Variants in ZNHIT6 observed in about 807,000 individuals in gnomAD.
ZNHIT6 encodes zinc finger HIT-type containing 6, also known as box C/D snoRNA protein 1.
ZNHIT6 carries 45 observed loss-of-function variants against 57.2 expected under a neutral mutation model. That is an observed-to-expected ratio of 0.79 (90% confidence interval 0.62 to 1.01). The LOEUF is 1.01. Ranked by LOEUF, ZNHIT6 falls within the 50% of genes least tolerant of loss-of-function variation. The pLI is 0.00. For missense variants in ZNHIT6, 528 were observed against 567.3 expected, an observed-to-expected ratio of 0.93 and a Z score of 0.70; for synonymous variants, 188 against 190.0, an observed-to-expected ratio of 0.99 and a Z score of 0.09.
At chr1:85,661,969 A>G (rs923891567) in intron 8 of ZNHIT6, among the ~76,000 whole-genome samples, 5 of 152,062 alleles carry the variant, frequency 3.3e-5, no homozygotes, top group Non-Finnish European at 5.9e-5. Context: ...GGGCAGCCTC[A>G]TGGGCGCATT....
At chr1:85,696,592 A>T (rs1444642553) in intron 5 of ZNHIT6, among the ~76,000 whole-genome samples, 1 of 152,096 alleles carries the variant, frequency 6.6e-6, no homozygotes. Flanking sequence ...GATCATCTAC[A>T]AATACGTTTG....
At chr1:85,669,737 A>G (rs1661498212) in intron 8 of ZNHIT6, among the ~76,000 whole-genome samples, 1 of 152,158 alleles carries the variant, frequency 6.6e-6, no homozygotes, top group South Asian at 2.1e-4. Flanking sequence ...TTAAGTCTGG[A>G]GTGTCCATGC....
chr1:85,670,363 G>T (rs1012900221), intron 8 of ZNHIT6, among the ~76,000 whole-genome samples: 3 of 152,228 alleles, frequency 2.0e-5, no homozygotes, highest in Non-Finnish European at 4.4e-5. Flanking sequence ...CCATTTAAAG[G>T]AAAAGTTGCC....
intron 7 of ZNHIT6, among the ~76,000 whole-genome samples, chr1:85,678,290 G>A (rs1424541277): frequency 2.0e-5 from 3 of 151,976 alleles, no homozygotes; most frequent in African/African-American, 4.8e-5. Flanking sequence ...AGAGTTTTTC[G>A]TTCAACCTCA....
chr1:85,654,088 T>C lies in ZNHIT6; in HGVS notation c.1383A>G (p.Glu461=). The change falls in exon 10 of 10, where the codon GAA becomes GAG. Residue 461 remains glutamate, a synonymous_variant. Transcript: ENST00000370574. ...DMKVLHQVKS[E]STKNVGNEN ...TTTCATTGCCAACGTTCTTGGTAGA[T>C]TCACTCTTCACTAGAAAAAAATAAG... The C allele has an allele frequency of 6.2e-7, 1 of 1,611,782 alleles. No individual in the cohort carries two copies. Among genetic ancestry groups the C allele is most frequent in the Non-Finnish European group, 8.5e-7 (1 of 1,179,170 alleles).
At chr1:85,707,315 G>A (rs1266366233) in intron 1 of ZNHIT6, among the ~76,000 whole-genome samples, 4 of 152,066 alleles carry the variant, frequency 2.6e-5, no homozygotes, top group South Asian at 2.1e-4. Flanking sequence ...AAGGAATACC[G>A]AGTAAAGAGC....
At chr1:85,685,579 C>CT (rs568843361) in intron 5 of ZNHIT6, among the ~76,000 whole-genome samples, 6 of 151,970 alleles carry the variant, frequency 3.9e-5, no homozygotes, top group South Asian at 2.1e-4. Context: ...GATTTGTGGG[C>CT]TTTTTTTTCC....
rs536617354 is a variant in ZNHIT6 at position 85,662,210 on chromosome 1, G to A, written c.1248-4239C>T. ...ACAAAAGACAAGTTTTTAAAGAAAC[G>A]AAATCACAAACCACTTTATGTCCCA... is the stretch of plus-strand genomic sequence containing the variant. On this transcript the variant is annotated intron_variant, in intron 8 of 9. Transcript: ENST00000370574. 5.5e-5 allele frequency among the ~76,000 whole-genome samples: 8 copies of A among 144,738 alleles called. No individual in the cohort carries two copies. In the East Asian group the frequency reaches 1.2e-3, roughly 22 times the overall value. 95.0% of individuals were successfully genotyped at this position (144,738 alleles called of 152,430 possible).
At chr1:85,667,382 G>A (rs1661397030) in intron 8 of ZNHIT6, among the ~76,000 whole-genome samples, 2 of 152,060 alleles carry the variant, frequency 1.3e-5, no homozygotes, top group African/African-American at 4.8e-5. Context: ...AACAATTCTT[G>A]TGTGTGTTTG....
intron 8 of ZNHIT6, among the ~76,000 whole-genome samples, chr1:85,675,346 TA>T (rs1261860669): frequency 3.3e-5 from 5 of 152,244 alleles, no homozygotes; most frequent in Admixed American, 6.5e-5. Context: ...TCTAATGTTA[TA>T]ACTTTCCTTC....
chr1:85,695,001 C>T (rs773189190), intron 5 of ZNHIT6, among the ~76,000 whole-genome samples: 5 of 152,048 alleles, frequency 3.3e-5, no homozygotes, highest in African/African-American at 4.8e-5. Context: ...CAGTGGCGCA[C>T]ATCTGTAATC....
At chr1:85,698,771 A>T (rs1324413645) in intron 5 of ZNHIT6, among the ~76,000 whole-genome samples, 2 of 152,114 alleles carry the variant, frequency 1.3e-5, no homozygotes, top group Non-Finnish European at 2.9e-5. Context: ...GTCATTATTT[A>T]CCCATTATAA....
chr1:85,699,050 G>T (rs1321135387), intron 5 of ZNHIT6, among the ~76,000 whole-genome samples: 1 of 152,034 alleles, frequency 6.6e-6, no homozygotes, highest in Non-Finnish European at 1.5e-5. Context: ...TCAAATAGTA[G>T]AGACAACATG....
intron 8 of ZNHIT6, among the ~76,000 whole-genome samples, chr1:85,663,100 T>C (rs1056220221): frequency 4.6e-5 from 7 of 152,166 alleles, no homozygotes; most frequent in African/African-American, 1.7e-4. Flanking sequence ...TGCCCATCAA[T>C]ATAATGGTAG....
At chr1:85,692,870 AT>A (rs1662257593) in intron 5 of ZNHIT6, among the ~76,000 whole-genome samples, 1 of 152,246 alleles carries the variant, frequency 6.6e-6, no homozygotes, top group Admixed American at 6.6e-5. Context: ...ACAAAAAGTA[AT>A]TTTTTGAATT....
intron 5 of ZNHIT6, among the ~76,000 whole-genome samples, chr1:85,690,396 T>A (rs1191057115): frequency 6.6e-6 from 1 of 152,198 alleles, no homozygotes; most frequent in Non-Finnish European, 1.5e-5. Flanking sequence ...ACCAGAACCA[T>A]CTTTCCCTCT....
chr1:85,662,820 C>G (rs1259583251), intron 8 of ZNHIT6, among the ~76,000 whole-genome samples: 1 of 152,132 alleles, frequency 6.6e-6, no homozygotes, highest in Non-Finnish European at 1.5e-5. Context: ...ATTCAGAAAG[C>G]TCACCAGTTC....
At chr1:85,696,937 T>G (rs1662389287) in intron 5 of ZNHIT6, among the ~76,000 whole-genome samples, 1 of 149,450 alleles carries the variant, frequency 6.7e-6, no homozygotes, top group Admixed American at 6.7e-5. Flanking sequence ...CTCGGCTCAC[T>G]GCAAGCTCCG....
chr1:85,707,102 G>A (rs1297709989), intron 1 of ZNHIT6, among the ~76,000 whole-genome samples: 1 of 152,074 alleles, frequency 6.6e-6, no homozygotes, highest in African/African-American at 2.4e-5. Flanking sequence ...TTCTAGACGG[G>A]AATATTCTCA....
Sources: allele counts gnomAD v4.1 joint callset (sites outside exome capture counted in the v4.1 genomes callset), GRCh38; gene constraint gnomAD v4.1.1; transcripts MANE v1.5; gene names NCBI Gene and HGNC (gene_info 2026-07-23, HGNC 2026-07-21).